Variants in PARP8 observed in about 807,000 individuals in gnomAD.
PARP8 encodes protein mono-ADP-ribosyltransferase PARP8.
Under a neutral mutation model 124.1 loss-of-function variants are expected in PARP8, and 51 were observed. The ratio of observed to expected loss-of-function variants is 0.41; its 90% CI spans 0.33 to 0.52. PARP8 has a LOEUF of 0.52. Ranked by LOEUF, PARP8 falls within the 20% of genes least tolerant of loss-of-function variation. PARP8 has a pLI of 0.21. For synonymous variants in PARP8, 391 were observed against 361.5 expected (o/e 1.08, Z -0.93); for missense variants, 860 against 1,018.9 (o/e 0.84, Z 2.12).
intron 9 of PARP8, among the ~76,000 whole-genome samples, chr5:50,782,891 G>A (rs1740828896): frequency 6.6e-6 from 1 of 152,184 alleles, no homozygotes; most frequent in African/African-American, 2.4e-5. Flanking sequence ...TCAGAGAGTG[G>A]TAGGAGGAGA....
chr5:50,771,096 T>G (rs1169201402), intron 7 of PARP8, among the ~76,000 whole-genome samples: 8 of 149,322 alleles, frequency 5.4e-5, no homozygotes, highest in Admixed American at 5.3e-4. Context: ...AAATGTGCTC[T>G]CTCTCTCTAT....
intron 2 of PARP8, among the ~76,000 whole-genome samples, chr5:50,737,251 A>C (rs1023810300): frequency 6.6e-6 from 1 of 152,096 alleles, no homozygotes; most frequent in Non-Finnish European, 1.5e-5. Context: ...TTGTTCCTTA[A>C]TAGTTGCTTG....
At position 50,695,106 on chromosome 5, in the gene PARP8, C is replaced by T. The variant is rs1752888421; in HGVS notation, c.146+26981C>T. ...AATGTTCATCTCCTTTGGCAACCCC[C>T]TCACAGACACACCCAAGAACAATAC... On this transcript the variant is annotated intron_variant, in intron 2 of 25. Coordinates refer to ENST00000281631, the MANE Select transcript of PARP8 (RefSeq NM_024615.4). Among the ~76,000 whole-genome samples the T allele has an allele frequency of 5.9e-5, 9 of 152,314 alleles. 1 individual carries two copies. The South Asian group carries it at 1.9e-3, about 32-fold the overall frequency.
chr5:50,834,158 C>T lies in PARP8; in HGVS notation c.2377+110C>T, dbSNP rs556401655. On this transcript the variant is annotated intron_variant, in intron 24 of 25. Coordinates refer to ENST00000281631, the MANE Select transcript of PARP8 (RefSeq NM_024615.4). ...ACGGTGGAATAGGGAAAGCATTATT[C>T]CTTATGATCATCTCAAAGGGCACAA... 7.9e-5 allele frequency: 69 copies of T among 878,726 alleles called. 2 individuals are homozygous for T. In the South Asian group the frequency reaches 1.2e-3, roughly 16 times the overall value. The allele number at this position is 878,726 out of a possible 1,614,324, so 54.4% of individuals were successfully genotyped here. A position where few individuals can be genotyped will look rare whatever the true frequency, so the allele number is the denominator to read the frequency against.
chr5:50,701,226 G>A (rs777951425), intron 2 of PARP8, among the ~76,000 whole-genome samples: 4 of 152,032 alleles, frequency 2.6e-5, no homozygotes, highest in African/African-American at 7.2e-5. Context: ...AAAATGGAAC[G>A]GGTTTCATAT....
intron 21 of PARP8, 32 bp from the exon 22 acceptor site, chr5:50,829,860 C>CCT (rs201270854): frequency 1.2e-5 from 19 of 1,546,924 alleles, no homozygotes; most frequent in South Asian, 2.4e-5. Flanking sequence ...CATGAACAGA[C>CCT]CTCTCTCTCT....
At chr5:50,767,886 T>C (rs1761210626) in intron 7 of PARP8, among the ~76,000 whole-genome samples, 1 of 152,164 alleles carries the variant, frequency 6.6e-6, no homozygotes, top group Non-Finnish European at 1.5e-5. Context: ...CTTCACAAAA[T>C]ATCTGTCTTC....
intron 2 of PARP8, among the ~76,000 whole-genome samples, chr5:50,687,098 T>A (rs1366807244): frequency 6.6e-6 from 1 of 152,226 alleles, no homozygotes; most frequent in East Asian, 1.9e-4. Flanking sequence ...GCAAATTTTC[T>A]GAACTTTTAT....
intron 2 of PARP8, among the ~76,000 whole-genome samples, chr5:50,702,065 T>C (rs939607041): frequency 4.6e-5 from 7 of 152,168 alleles, no homozygotes; most frequent in African/African-American, 1.2e-4. Context: ...AGAAATGTAA[T>C]TTAAAAACTG....
Position 50,845,933 on chromosome 5 carries a change from C to A in PARP8, c.*3865C>A, listed in dbSNP as rs1411315004. On this transcript the variant is annotated 3_prime_UTR_variant, in exon 26 of 26. Coordinates refer to ENST00000281631, the MANE Select transcript of PARP8 (RefSeq NM_024615.4). The stretch of plus-strand genomic sequence containing the variant: ...GATGTATATTATTACCCAGTAAATT[C>A]TTCTTGGGAATTTTGTATACATTAT... The A allele has an allele frequency of 3.3e-5, 5 of 151,680 alleles. No individual in the cohort carries two copies. Among genetic ancestry groups the A allele is most frequent in the Non-Finnish European group, 7.4e-5 (5 of 67,784 alleles). The allele number at this position is 151,680 out of a possible 1,614,324, so 9.4% of individuals were successfully genotyped here. A position where few individuals can be genotyped will look rare whatever the true frequency, so the allele number is the denominator to read the frequency against.
intron 2 of PARP8, among the ~76,000 whole-genome samples, chr5:50,727,758 G>A (rs35542173): frequency 0.012 from 1,794 of 152,234 alleles, 26 homozygotes; most frequent in Non-Finnish European, 0.013. Flanking sequence ...ACTCATCCAC[G>A]TATTTTTGTC....
intron 2 of PARP8, among the ~76,000 whole-genome samples, chr5:50,731,804 G>T (rs1757002411): frequency 6.6e-6 from 1 of 152,042 alleles, no homozygotes; most frequent in South Asian, 2.1e-4. Flanking sequence ...ATTCTTAAAA[G>T]CTCTGAAAAT....
intron 23 of PARP8, among the ~76,000 whole-genome samples, chr5:50,833,177 G>T (rs1330162702): frequency 6.6e-6 from 1 of 152,064 alleles, no homozygotes; most frequent in Admixed American, 6.6e-5. Context: ...TACATATTTA[G>T]ATAGATAGAA....
intron 24 of PARP8, 76 bp downstream of exon 24, chr5:50,834,124 A>G (rs1747301038): frequency 8.2e-7 from 1 of 1,215,948 alleles, no homozygotes; most frequent in Non-Finnish European, 1.2e-6. Context: ...GTATATTTAC[A>G]GAGTGCTTAC....
At chr5:50,809,591 C>T (rs1420210189) in intron 14 of PARP8, among the ~76,000 whole-genome samples, 1 of 151,900 alleles carries the variant, frequency 6.6e-6, no homozygotes, top group Non-Finnish European at 1.5e-5. Flanking sequence ...TTTTTTAAAC[C>T]TTATCTCACT....
intron 14 of PARP8, among the ~76,000 whole-genome samples, chr5:50,797,936 A>G (rs1742742190): frequency 1.3e-5 from 2 of 152,134 alleles, no homozygotes; most frequent in African/African-American, 2.4e-5. Context: ...ATTATCCCCA[A>G]AAGAAATATT....
chr5:50,832,751 C>T (rs762501633), intron 22 of PARP8, 30 bp from the exon 23 acceptor site: 1 of 1,609,224 alleles, frequency 6.2e-7, no homozygotes, highest in Non-Finnish European at 8.5e-7. Context: ...CAGCTTTGTC[C>T]CTAAATTATT....
In PARP8 at chr5:50,757,339, G is replaced by A. The variant is rs145874219; in HGVS notation, c.185-2304G>A. ...AAAAATCTTCCAAAAAGAGAACAGAGTGCTTTGAATTCAGAGTGAAGTGAA... is the reference window on the plus strand; with the variant it reads ...AAAAATCTTCCAAAAAGAGAACAGAATGCTTTGAATTCAGAGTGAAGTGAA... On this transcript the variant is annotated intron_variant, in intron 3 of 25. Coordinates refer to ENST00000281631, the MANE Select transcript of PARP8 (RefSeq NM_024615.4). 7 of 324,480 alleles carry A rather than the reference G, an allele frequency of 2.2e-5. No homozygotes were observed. In the East Asian group the frequency reaches 5.4e-4, roughly 25 times the overall value. 20.1% of individuals were successfully genotyped at this position (324,480 alleles called of 1,614,324 possible). A position where few individuals can be genotyped will look rare whatever the true frequency, so the allele number is the denominator to read the frequency against.
chr5:50,828,801 TTTGAACCCGGG>T (rs1746627057), intron 21 of PARP8, among the ~76,000 whole-genome samples: 1 of 151,552 alleles, frequency 6.6e-6, no homozygotes, highest in Non-Finnish European at 1.5e-5. Flanking sequence ...GGGAGAATAA[TTTGAACCCGGG>T]AGGTGAAGGT....
Sources: allele counts gnomAD v4.1 joint callset (sites outside exome capture counted in the v4.1 genomes callset), GRCh38; gene constraint gnomAD v4.1.1; transcripts MANE v1.5; gene names NCBI Gene and HGNC (gene_info 2026-07-23, HGNC 2026-07-21).